OR51B5: variants seen among roughly 807,000 people sequenced by gnomAD.
OR51B5 encodes olfactory receptor 51B5.
For missense variants in OR51B5, 456 were observed against 374.6 expected, an observed-to-expected ratio of 1.22 and a Z score of -1.79; for synonymous variants, 186 against 144.8, an observed-to-expected ratio of 1.28 and a Z score of -2.04.
intron 1 of OR51B5, chr11:5,351,881 G>T (rs7479477): frequency 6.2e-7 from 1 of 1,612,258 alleles, no homozygotes; most frequent in Non-Finnish European, 8.5e-7. Flanking sequence ...ATTACCATCC[G>T]CAGCCCCTTA....
rs370561158 is a variant in OR51B5, at chr11:5,390,202, G to A, written n.85-43292C>T. ...TGCTAGTATTCTTTGTGCCCATGAT[G>A]GGGCTGTCCCTGGTGCACCGTTTTG... is the stretch of plus-strand genomic sequence containing the variant. On this transcript the variant is annotated intron_variant and non_coding_transcript_variant, in intron 1 of 4. Transcript: ENST00000415970. 7.2e-5 allele frequency: 116 copies of A among 1,613,786 alleles called. No individual in the cohort carries two copies. Among genetic ancestry groups the A allele is most frequent in the Non-Finnish European group, 3.5e-5 (41 of 1,179,842 alleles).
At chr11:5,384,541 C>T (rs1231531794) in intron 1 of OR51B5, among the ~76,000 whole-genome samples, 1 of 152,190 alleles carries the variant, frequency 6.6e-6, no homozygotes, top group Non-Finnish European at 1.5e-5. Flanking sequence ...CCTCACTCCC[C>T]TGATGAGTGC....
chr11:5,462,592 C>T (rs180906354), intron 1 of OR51B5, among the ~76,000 whole-genome samples: 27 of 152,268 alleles, frequency 1.8e-4, no homozygotes, highest in African/African-American at 4.8e-4. Flanking sequence ...TTTTAAAAAA[C>T]GACAAATGGC....
chr11:5,371,285 T>A (rs1369169494), intron 1 of OR51B5, among the ~76,000 whole-genome samples: 2 of 152,276 alleles, frequency 1.3e-5, no homozygotes, highest in Middle Eastern at 3.4e-3. Flanking sequence ...TTAATTTTTT[T>A]AAAACTCAAA....
chr11:5,478,546 G>A (rs1851356531), intron 1 of OR51B5, among the ~76,000 whole-genome samples: 1 of 150,944 alleles, frequency 6.6e-6, no homozygotes, highest in Admixed American at 6.6e-5. Flanking sequence ...GAAGGCTTCA[G>A]ACGATCAAAT....
At chr11:5,400,760 G>T (rs1300673606) in intron 1 of OR51B5, among the ~76,000 whole-genome samples, 1 of 152,196 alleles carries the variant, frequency 6.6e-6, no homozygotes, top group Non-Finnish European at 1.5e-5. Context: ...GTAGGTCTAG[G>T]ACTCTGTGTT....
intron 1 of OR51B5, among the ~76,000 whole-genome samples, chr11:5,434,092 T>A (rs1850564594): frequency 6.6e-6 from 1 of 152,152 alleles, no homozygotes. Flanking sequence ...CCTGAAGAAC[T>A]TAAAAATCCC....
intron 1 of OR51B5, among the ~76,000 whole-genome samples, chr11:5,442,736 A>C (rs1850709389): frequency 6.6e-6 from 1 of 152,098 alleles, no homozygotes; most frequent in Admixed American, 6.6e-5. Context: ...ATTACCTTCT[A>C]TCACTGCTCA....
chr11:5,368,533 ACT>A (rs1017714560), intron 1 of OR51B5, among the ~76,000 whole-genome samples: 8 of 152,170 alleles, frequency 5.3e-5, no homozygotes, highest in Non-Finnish European at 1.0e-4. Context: ...CTGAGAAGAT[ACT>A]CTGTCTAGCT....
chr11:5,365,332 A>C lies in OR51B5; in HGVS notation n.85-18422T>G, dbSNP rs116910103. ...TGTGGAAAACATGGGTATAGAGCAT[A>C]CACTGATGCCAAAGGCAAACCAATG... On this transcript the variant is annotated intron_variant and non_coding_transcript_variant, in intron 1 of 4. Coordinates refer to the OR51B5 transcript ENST00000415970. Among the ~76,000 whole-genome samples the C allele has an allele frequency of 5.9e-5, 9 of 152,330 alleles. No individual in the cohort carries two copies. In the East Asian group the frequency reaches 1.5e-3, roughly 26 times the overall value.
At chr11:5,368,970 C>A (rs915516349) in intron 1 of OR51B5, among the ~76,000 whole-genome samples, 1 of 152,066 alleles carries the variant, frequency 6.6e-6, no homozygotes, top group Non-Finnish European at 1.5e-5. Flanking sequence ...ACCCAAGAAG[C>A]CTAAATTGTG....
intron 1 of OR51B5, among the ~76,000 whole-genome samples, chr11:5,445,191 C>A (rs963543274): frequency 3.9e-5 from 6 of 152,044 alleles, no homozygotes; most frequent in African/African-American, 1.4e-4. Context: ...TAGAAAAAGA[C>A]TATGAAATAG....
At chr11:5,412,919 T>A (rs1051732011) in intron 1 of OR51B5, among the ~76,000 whole-genome samples, 6 of 151,988 alleles carry the variant, frequency 3.9e-5, no homozygotes, top group Admixed American at 1.3e-4. Context: ...TGTCCCTGTC[T>A]GACAGCCTTG....
intron 1 of OR51B5, among the ~76,000 whole-genome samples, chr11:5,438,063 CAGG>C (rs930538606): frequency 2.6e-5 from 4 of 152,024 alleles, no homozygotes; most frequent in African/African-American, 9.7e-5. Flanking sequence ...CGTTGGGAAC[CAGG>C]AGATGAAATT....
At chr11:5,468,986 T>C (rs1235202039) in intron 1 of OR51B5, 8 of 341,982 alleles carry the variant, frequency 2.3e-5, no homozygotes, top group East Asian at 7.9e-5. Flanking sequence ...GGATATGCCA[T>C]TGTGGGCCAC....
At chr11:5,505,281 A>T (rs539386722) in intron 1 of OR51B5, 1 of 1,292,390 alleles carries the variant, frequency 7.7e-7, no homozygotes, top group African/African-American at 1.5e-5. Flanking sequence ...ACCTATCTGG[A>T]CTTCCAAGGA....
intron 1 of OR51B5, among the ~76,000 whole-genome samples, chr11:5,362,397 AGTCT>A (rs1465180509): frequency 6.6e-6 from 1 of 152,246 alleles, no homozygotes; most frequent in Non-Finnish European, 1.5e-5. Context: ...TCAGATGATC[AGTCT>A]ATGGCTTTGG....
At chr11:5,396,699 A>G (rs1406567024) in intron 1 of OR51B5, among the ~76,000 whole-genome samples, 2 of 152,044 alleles carry the variant, frequency 1.3e-5, no homozygotes, top group Middle Eastern at 3.4e-3. Flanking sequence ...ATTGGAAAAA[A>G]CTACTTTAAA....
chr11:5,343,608 A>G, upstream of OR51B5: 11 of 581,206 alleles, frequency 1.9e-5, no homozygotes, highest in South Asian at 2.2e-4. Flanking sequence ...CACTTCGACT[A>G]TATCATTCTC....
Sources: gnomAD v4.1 joint callset for allele counts (sites outside exome capture counted in the v4.1 genomes callset) on GRCh38, gnomAD v4.1.1 for gene constraint, MANE v1.5 for transcripts, NCBI Gene and HGNC (gene_info 2026-07-23, HGNC 2026-07-21) for gene names.